ACTR3C: variants seen among roughly 807,000 people sequenced by gnomAD.
ACTR3C encodes actin related protein 3C.
Under a neutral mutation model 26.3 loss-of-function variants are expected in ACTR3C, and 18 were observed. The observed-to-expected ratio is 0.68, with a 90% CI of 0.47 to 1.01. The LOEUF (loss-of-function observed/expected upper bound fraction) is 1.01, where lower values mean the gene tolerates loss of function less well. Ranked by LOEUF, ACTR3C falls within the 50% of genes least tolerant of loss-of-function variation. ACTR3C has a pLI of 0.00. For missense variants in ACTR3C, 184 were observed against 250.7 expected (o/e 0.73, Z 1.80); for synonymous variants, 55 against 94.5 (o/e 0.58, Z 2.42).
At chr7:150,232,048 C>T in the ACTR3C span, among the ~76,000 whole-genome samples, 1 of 152,010 alleles carries the variant, frequency 6.6e-6, no homozygotes, top group Non-Finnish European at 1.5e-5. Context: ...GGTGTTTTTG[C>T]TCTGTTGTTA....
chr7:150,165,297 G>A, the ACTR3C span, among the ~76,000 whole-genome samples: 5 of 151,928 alleles, frequency 3.3e-5, no homozygotes, highest in Non-Finnish European at 4.4e-5. Flanking sequence ...TGACTTCCTA[G>A]CAGAATTATT....
the ACTR3C span, among the ~76,000 whole-genome samples, chr7:150,035,565 C>CAGA: frequency 6.2e-5 from 5 of 81,052 alleles, no homozygotes; most frequent in Non-Finnish European, 1.0e-4. Context: ...TCCGCAGAGC[C>CAGA]GGGGGGGAAG....
At chr7:150,012,764 G>T in the ACTR3C span, among the ~76,000 whole-genome samples, 2 of 150,746 alleles carry the variant, frequency 1.3e-5, no homozygotes, top group African/African-American at 4.9e-5. Flanking sequence ...TTGTTGTTAG[G>T]TTAGATCGCC....
the ACTR3C span, among the ~76,000 whole-genome samples, chr7:150,228,763 G>GTTTA: frequency 1.3e-5 from 2 of 151,292 alleles, no homozygotes; most frequent in African/African-American, 4.9e-5. Flanking sequence ...TCCTATGGTA[G>GTTTA]TTTACTACAG....
the ACTR3C span, among the ~76,000 whole-genome samples, chr7:150,043,170 C>T: frequency 6.7e-6 from 1 of 150,300 alleles, no homozygotes; most frequent in Admixed American, 6.6e-5. Context: ...ATTGTAAATC[C>T]CACGCAAGGT....
chr7:149,925,921 G>A, the ACTR3C span, among the ~76,000 whole-genome samples: 4 of 152,008 alleles, frequency 2.6e-5, no homozygotes, highest in Non-Finnish European at 4.4e-5. Context: ...AAATTAGCCC[G>A]ATGTGGTGGC....
chr7:150,190,929 G>T, the ACTR3C span, among the ~76,000 whole-genome samples: 4 of 152,020 alleles, frequency 2.6e-5, no homozygotes, highest in Non-Finnish European at 5.9e-5. Context: ...AAACCATCAC[G>T]CCTCAGGAGG....
the ACTR3C span, among the ~76,000 whole-genome samples, chr7:149,939,422 T>G: frequency 6.6e-6 from 1 of 152,174 alleles, no homozygotes; most frequent in Non-Finnish European, 1.5e-5. Flanking sequence ...CTACTGTTTT[T>G]GTCAATATGA....
chr7:149,995,837 C>T, the ACTR3C span, among the ~76,000 whole-genome samples: 5 of 152,232 alleles, frequency 3.3e-5, no homozygotes, highest in Admixed American at 6.5e-5. Flanking sequence ...TGCACGGTCA[C>T]GGGGAGGTGA....
the ACTR3C span, among the ~76,000 whole-genome samples, chr7:150,034,406 CAGA>C: frequency 1.3e-5 from 2 of 151,568 alleles, 1 homozygote; most frequent in Non-Finnish European, 3.0e-5. Flanking sequence ...CTGGGGCTGC[CAGA>C]AGATTTTCTT....
At chr7:150,013,738 G>A in the ACTR3C span, among the ~76,000 whole-genome samples, 54,840 of 150,500 alleles carry the variant, frequency 0.36, 9,602 homozygotes, top group East Asian at 0.45. Flanking sequence ...CCTCAGTCAT[G>A]CTGAAGAGAA....
the ACTR3C span, among the ~76,000 whole-genome samples, chr7:149,886,161 G>T: frequency 6.6e-6 from 1 of 152,142 alleles, no homozygotes; most frequent in Admixed American, 6.5e-5. Context: ...ATTCTGCCAG[G>T]ATCTCAGCTT....
the ACTR3C span, among the ~76,000 whole-genome samples, chr7:149,894,846 A>T: frequency 6.6e-6 from 1 of 151,966 alleles, no homozygotes; most frequent in Admixed American, 6.6e-5. Context: ...CAAACAATTA[A>T]AAATAGAACT....
chr7:150,239,562 AATTT>A (rs1832068792), downstream of ACTR3C, among the ~76,000 whole-genome samples: 1 of 133,938 alleles, frequency 7.5e-6, no homozygotes, highest in South Asian at 2.3e-4. Flanking sequence ...ATATATATAT[AATTT>A]ATTATAGTTT....
chr7:149,945,081 G>A, the ACTR3C span, among the ~76,000 whole-genome samples: 12 of 151,838 alleles, frequency 7.9e-5, no homozygotes, highest in African/African-American at 2.9e-4. Flanking sequence ...CTTAGGTCAG[G>A]TTCCCCAGAA....
At chr7:149,942,949 C>T in the ACTR3C span, among the ~76,000 whole-genome samples, 97 of 151,844 alleles carry the variant, frequency 6.4e-4, 1 homozygote, top group Non-Finnish European at 9.9e-4. Flanking sequence ...AAATCATCAG[C>T]TGCTAATTGA....
At chr7:150,017,877 C>T in the ACTR3C span, among the ~76,000 whole-genome samples, 2 of 150,426 alleles carry the variant, frequency 1.3e-5, no homozygotes, top group Non-Finnish European at 2.9e-5. Flanking sequence ...CCTTCAATAG[C>T]TCCCACCCTT....
rs551854146 is a variant in ACTR3C at position 150,274,204 on chromosome 7, T to C, written c.564+10549A>G. ...GAGCAGGGTGGTCAGGACGCCTCAC[T>C]AGAAGATGGCATTTATTGCACTTCG... On this transcript the variant is annotated intron_variant, in intron 6 of 7. Transcript: ENST00000683684. This position sits in a 1 kb window ranked among gnomAD's most constrained non-coding sequence, Gnocchi z 4.1. Among the ~76,000 whole-genome samples the C allele has an allele frequency of 6.6e-6, 1 of 152,324 alleles. No individual in the cohort carries two copies. Among genetic ancestry groups the C allele is most frequent in the South Asian group, 2.1e-4 (1 of 4,828 alleles).
chr7:150,222,907 G>A, the ACTR3C span, among the ~76,000 whole-genome samples: 9 of 152,288 alleles, frequency 5.9e-5, no homozygotes, highest in African/African-American at 2.2e-4. Flanking sequence ...TTCCTGCATT[G>A]TGAATTTGGG....
Sources: allele counts gnomAD v4.1 joint callset (sites outside exome capture counted in the v4.1 genomes callset), GRCh38; gene constraint gnomAD v4.1.1; non-coding constraint Gnocchi (gnomAD v3.1); transcripts MANE v1.5; gene names NCBI Gene and HGNC (gene_info 2026-07-23, HGNC 2026-07-21).